Variants in LRRTM4 observed in about 807,000 individuals in gnomAD.
LRRTM4 encodes the protein leucine rich repeat transmembrane neuronal 4.
In LRRTM4, 25 loss-of-function variants were observed where a neutral mutation model predicts 47.6. The observed-to-expected ratio is 0.53, with a 90% CI of 0.38 to 0.73. LRRTM4 has a LOEUF of 0.73. Among genes scored for constraint, LRRTM4 ranks in the 30% least tolerant of loss-of-function variants. The probability of loss-of-function intolerance (pLI) is 0.00; values close to 1 mark genes in which losing one functional copy is unlikely to be tolerated. For synonymous variants in LRRTM4, 311 were observed against 269.5 expected (o/e 1.15, Z -1.51); for missense variants, 638 against 713.4 (o/e 0.89, Z 1.20).
chr2:77,320,105 C>G (rs1193251879), intron 3 of LRRTM4, among the ~76,000 whole-genome samples: 1 of 152,020 alleles, frequency 6.6e-6, no homozygotes, highest in South Asian at 2.1e-4. Context: ...TTTGTTGAGC[C>G]TTCTTAGATA....
At chr2:76,986,658 T>A (rs75445630) in intron 3 of LRRTM4, among the ~76,000 whole-genome samples, 1 of 151,824 alleles carries the variant, frequency 6.6e-6, no homozygotes, top group South Asian at 2.1e-4. Flanking sequence ...TCCTGGCACA[T>A]AGAATAAGTT....
At chr2:77,127,970 C>G (rs1283489954) in intron 3 of LRRTM4, among the ~76,000 whole-genome samples, 1 of 152,048 alleles carries the variant, frequency 6.6e-6, no homozygotes, top group East Asian at 1.9e-4. Context: ...TGGTGAAACC[C>G]TGTCTCTACT....
chr2:76,794,384 A>G (rs1384870155), intron 3 of LRRTM4, among the ~76,000 whole-genome samples: 2 of 152,210 alleles, frequency 1.3e-5, no homozygotes, highest in African/African-American at 2.4e-5. Flanking sequence ...GTATACCACT[A>G]CAGTCCCTAA....
chr2:77,129,641 T>C (rs1004015946), intron 3 of LRRTM4, among the ~76,000 whole-genome samples: 8 of 152,210 alleles, frequency 5.3e-5, no homozygotes, highest in African/African-American at 1.9e-4. Context: ...ATGAGAATGA[T>C]GTAAATGAGA....
intron 3 of LRRTM4, among the ~76,000 whole-genome samples, chr2:77,434,526 T>TTA (rs1248151644): frequency 7.9e-5 from 12 of 152,036 alleles, no homozygotes. Flanking sequence ...AAAGAGCTGG[T>TTA]GGCAGAAATT....
intron 3 of LRRTM4, among the ~76,000 whole-genome samples, chr2:77,067,171 T>C (rs1037383251): frequency 6.6e-6 from 1 of 152,164 alleles, no homozygotes; most frequent in African/African-American, 2.4e-5. Context: ...CAGGAGACAA[T>C]CTGAACTTAA....
At chr2:76,805,141 A>G (rs187454447) in intron 3 of LRRTM4, among the ~76,000 whole-genome samples, 85 of 152,222 alleles carry the variant, frequency 5.6e-4, no homozygotes, top group African/African-American at 2.0e-3. Flanking sequence ...AAGGCCCTTA[A>G]CCTCTTTGTT....
intron 3 of LRRTM4, among the ~76,000 whole-genome samples, chr2:77,510,471 C>T (rs1678942506): frequency 6.6e-6 from 1 of 152,030 alleles, no homozygotes; most frequent in Non-Finnish European, 1.5e-5. Flanking sequence ...GGCAACTAAA[C>T]AACAATTGTT....
At chr2:77,029,987 G>T (rs1298091638) in intron 3 of LRRTM4, among the ~76,000 whole-genome samples, 2 of 152,136 alleles carry the variant, frequency 1.3e-5, no homozygotes, top group East Asian at 1.9e-4. Context: ...AGTGTAAAAG[G>T]TCTAGTAGTC....
intron 3 of LRRTM4, among the ~76,000 whole-genome samples, chr2:76,810,281 A>C: frequency 6.6e-6 from 1 of 152,208 alleles, no homozygotes; most frequent in Admixed American, 6.5e-5. Context: ...AAATTCTAAA[A>C]AGCAAATTAT....
At chr2:77,026,975 C>T (rs1678476155) in intron 3 of LRRTM4, among the ~76,000 whole-genome samples, 1 of 152,074 alleles carries the variant, frequency 6.6e-6, no homozygotes, top group Non-Finnish European at 1.5e-5. Context: ...CACCCTTTCC[C>T]ATTAGAAATC....
chr2:76,830,541 T>TGG lies in LRRTM4; in HGVS notation c.1552-81626_1552-81625insCC, dbSNP rs1553416369. On this transcript the variant is annotated intron_variant, in intron 3 of 3. Coordinates refer to ENST00000409884, the MANE Select transcript of LRRTM4 (RefSeq NM_001134745.3). ...GTGTGTGTGTGTGTGTGTGTGTGTG[T>TGG]GTGTGTTTCTGCACTAGTGACCCAG... Among the ~76,000 whole-genome samples, 24 of 151,472 alleles carry TGG rather than the reference T, an allele frequency of 1.6e-4. No homozygotes were observed. The South Asian group carries it at 2.5e-3, about 16-fold the overall frequency.
intron 2 of LRRTM4, among the ~76,000 whole-genome samples, chr2:77,520,717 A>G (rs1234609206): frequency 6.6e-6 from 1 of 152,218 alleles, no homozygotes; most frequent in African/African-American, 2.4e-5. Flanking sequence ...GAAGCAGCCA[A>G]CTACTATTTT....
chr2:76,807,913 TCTTTCCTTTCTTTC>T (rs200222523), intron 3 of LRRTM4, among the ~76,000 whole-genome samples: 17,077 of 145,262 alleles, frequency 0.12, 1,292 homozygotes, highest in Admixed American at 0.2. Context: ...TTCTTTCTTT[TCTTTCCTTTCTTTC>T]CTTTCCTTTC....
chr2:76,934,120 G>A (rs1674861826), intron 3 of LRRTM4, among the ~76,000 whole-genome samples: 1 of 152,084 alleles, frequency 6.6e-6, no homozygotes, highest in Non-Finnish European at 1.5e-5. Context: ...ACCTTACTCT[G>A]CAGAAAAATC....
intron 3 of LRRTM4, among the ~76,000 whole-genome samples, chr2:76,915,337 T>G (rs986333548): frequency 6.6e-6 from 1 of 152,190 alleles, no homozygotes; most frequent in Non-Finnish European, 1.5e-5. Flanking sequence ...ATCACAGCGA[T>G]GCATGCCTTG....
chr2:77,025,645 A>T (rs539280692), intron 3 of LRRTM4, among the ~76,000 whole-genome samples: 1 of 152,290 alleles, frequency 6.6e-6, no homozygotes, highest in South Asian at 2.1e-4. Context: ...GTGACTAAAG[A>T]AAAAGGACAA....
At chr2:77,414,215 T>C (rs955176212) in intron 3 of LRRTM4, among the ~76,000 whole-genome samples, 2 of 152,144 alleles carry the variant, frequency 1.3e-5, no homozygotes, top group African/African-American at 4.8e-5. Context: ...CTTCCTTTCA[T>C]TCAACAAACA....
At chr2:77,077,202 T>C (rs1680365836) in intron 3 of LRRTM4, among the ~76,000 whole-genome samples, 1 of 152,196 alleles carries the variant, frequency 6.6e-6, no homozygotes, top group African/African-American at 2.4e-5. Context: ...TCTTTTCATG[T>C]AGCAAATCAT....
Sources: gnomAD v4.1 joint callset for allele counts (sites outside exome capture counted in the v4.1 genomes callset) on GRCh38, gnomAD v4.1.1 for gene constraint, MANE v1.5 for transcripts, NCBI Gene and HGNC (gene_info 2026-07-23, HGNC 2026-07-21) for gene names.